GANC: variants seen among roughly 807,000 people sequenced by gnomAD.
GANC encodes the protein neutral alpha-glucosidase C.
Under a neutral mutation model 124.2 loss-of-function variants are expected in GANC, and 117 were observed. That is an observed-to-expected ratio of 0.94 (90% confidence interval 0.81 to 1.10). GANC has a LOEUF of 1.10. Ranked by LOEUF, GANC falls within the 50% of genes least tolerant of loss-of-function variation. GANC has a pLI of 0.00. For missense variants in GANC, 1,140 were observed against 1,095.0 expected (o/e 1.04, Z -0.58); for synonymous variants, 377 against 376.8 (o/e 1.00, Z -0.01).
chr15:42,352,334 A>G lies in GANC; in HGVS notation c.*195A>G. ...CAGATTTTACATGTTAAGATGTACT[A>G]ACAATATTCCTTGTATCAAACATCT... On this transcript the variant is annotated 3_prime_UTR_variant, in exon 24 of 24. Coordinates refer to ENST00000318010, the MANE Select transcript of GANC (RefSeq NM_198141.3). The G allele has an allele frequency of 2.2e-6, 3 of 1,394,462 alleles. No homozygotes were observed. The highest frequency in any genetic ancestry group is 1.6e-5 in the South Asian group (1 of 64,076). The allele number at this position is 1,394,462 out of a possible 1,614,324, so 86.4% of individuals were successfully genotyped here. A position where few individuals can be genotyped will look rare whatever the true frequency, so the allele number is the denominator to read the frequency against.
At chr15:42,329,257 TATAGAC>T (rs1262875213) in intron 13 of GANC, 43 bp from the exon 14 acceptor site, 2 of 1,570,050 alleles carry the variant, frequency 1.3e-6, no homozygotes, top group Non-Finnish European at 1.7e-6. Context: ...ACAGCTATTA[TATAGAC>T]ATCATCAATG....
chr15:42,330,769 C>CTTT, intron 15 of GANC, 97 bp downstream of exon 15: 3 of 365,338 alleles, frequency 8.2e-6, no homozygotes, highest in South Asian at 4.6e-5. Context: ...CCTTCCTTTT[C>CTTT]CTTTTTTTTT....
At chr15:42,314,203 C>A in intron 10 of GANC, 1 of 754,588 alleles carries the variant, frequency 1.3e-6, no homozygotes, top group South Asian at 1.4e-5. Context: ...AAATATTCCC[C>A]ACAAGGAGTT....
chr15:42,322,160 T>C, intron 11 of GANC, 140 bp downstream of exon 11: 1 of 700,840 alleles, frequency 1.4e-6, no homozygotes, highest in Non-Finnish European at 2.4e-6. Context: ...TAATTGTCAC[T>C]GTGATAAGAG....
At chr15:42,326,532 C>G in intron 12 of GANC, 108 bp downstream of exon 12, 5 of 1,535,408 alleles carry the variant, frequency 3.3e-6, no homozygotes, top group Non-Finnish European at 3.5e-6. Context: ...GCTCCTCTAG[C>G]TACATTTTAA....
chr15:42,310,443 A>G lies in GANC; in HGVS notation c.883A>G (p.Asn295Asp). ...LNASETLVEI[N>D]TEPAVEYTLT... ...TGCCTCGGAAACACTGGTGGAGATC[A>G]ATACAGAGCCTGCAGTAGAGGTGAG... Residue 295 changes from asparagine (N) to aspartate (D), a missense_variant, in exon 9 of 24, where the codon AAT becomes GAT. Transcript: ENST00000318010. 1 of 1,610,406 alleles carries G rather than the reference A, an allele frequency of 6.2e-7. No homozygotes were observed. The highest frequency in any genetic ancestry group is 8.5e-7 in the Non-Finnish European group (1 of 1,178,394).
At chr15:42,302,004 A>G (rs2051950082) in intron 6 of GANC, among the ~76,000 whole-genome samples, 1 of 152,174 alleles carries the variant, frequency 6.6e-6, no homozygotes, top group Non-Finnish European at 1.5e-5. Context: ...GAGCTCTGCT[A>G]AGGGACAGAC....
intron 4 of GANC, among the ~76,000 whole-genome samples, chr15:42,288,489 T>G (rs1207077902): frequency 1.3e-5 from 2 of 152,218 alleles, no homozygotes; most frequent in Non-Finnish European, 2.9e-5. Context: ...AATATCAGAT[T>G]ATGCCAGATG....
intron 8 of GANC, among the ~76,000 whole-genome samples, chr15:42,309,374 C>T (rs954649455): frequency 1.3e-5 from 2 of 151,360 alleles, no homozygotes; most frequent in Admixed American, 6.6e-5. Flanking sequence ...GGCTGGAGTG[C>T]GGTGGCGTGA....
Position 42,283,686 on chromosome 15 carries a change from CTG to C in GANC, c.202-4002_202-4001del, listed in dbSNP as rs756414499. ...GATGCAGGAATATCTCTGAGCACCT[CTG>C]TGAAGTTACCCCTTGCCTCTTCATC... On this transcript the variant is annotated intron_variant, in intron 3 of 23. Transcript: ENST00000318010. The C allele has an allele frequency of 7.1e-6, 5 of 702,488 alleles. No individual in the cohort carries two copies. In the South Asian group the frequency reaches 7.4e-5, roughly 10 times the overall value. The allele number at this position is 702,488 out of a possible 1,614,324, so 43.5% of individuals were successfully genotyped here.
chr15:42,278,006 T>A (rs1290955017), intron 2 of GANC: 2 of 378,696 alleles, frequency 5.3e-6, no homozygotes, highest in African/African-American at 4.1e-5. Flanking sequence ...TTCTAACATA[T>A]TCCCTCTCTG....
chr15:42,338,241 A>G (rs1334745975), intron 15 of GANC, 148 bp from the exon 16 acceptor site: 1 of 492,350 alleles, frequency 2.0e-6, no homozygotes, highest in Non-Finnish European at 3.6e-6. Context: ...GATACTTTTC[A>G]TTGTAGAAAA....
chr15:42,333,341 AT>A (rs996585329), intron 15 of GANC, among the ~76,000 whole-genome samples: 509 of 150,534 alleles, frequency 3.4e-3, no homozygotes, highest in African/African-American at 0.012. Flanking sequence ...AAAAAAAAGA[AT>A]TTTTTTTTTC....
intron 6 of GANC, among the ~76,000 whole-genome samples, chr15:42,302,971 C>T (rs1021840109): frequency 1.4e-4 from 22 of 152,102 alleles, no homozygotes; most frequent in African/African-American, 3.6e-4. Context: ...CATGGCAAGA[C>T]GGACCAACAT....
At chr15:42,281,185 C>T in intron 3 of GANC, 1 of 680,632 alleles carries the variant, frequency 1.5e-6, no homozygotes, top group Non-Finnish European at 2.7e-6. Flanking sequence ...TGATCTCAGG[C>T]AAATGTATGC....
chr15:42,297,095 A>G (rs1206208146), intron 5 of GANC, among the ~76,000 whole-genome samples: 1 of 152,184 alleles, frequency 6.6e-6, no homozygotes, highest in Non-Finnish European at 1.5e-5. Context: ...AAGACTGTAC[A>G]TTATAGTGCT....
intron 15 of GANC, among the ~76,000 whole-genome samples, chr15:42,333,042 T>TC (rs2052259023): frequency 8.7e-6 from 1 of 115,272 alleles, no homozygotes; most frequent in Non-Finnish European, 2.0e-5. Context: ...ATATATATTT[T>TC]TTTTGGTCAC....
chr15:42,343,626 G>A (rs2052343366), intron 19 of GANC, among the ~76,000 whole-genome samples: 1 of 152,138 alleles, frequency 6.6e-6, no homozygotes, highest in Non-Finnish European at 1.5e-5. Context: ...ACATTCCTCT[G>A]CTCTTTTATT....
At chr15:42,343,226 A>T in intron 19 of GANC, 72 bp downstream of exon 19, 1 of 1,334,090 alleles carries the variant, frequency 7.5e-7, no homozygotes, top group Non-Finnish European at 1.1e-6. Flanking sequence ...TAGGAAAGAG[A>T]TTTCTTCATC....
Sources: allele counts gnomAD v4.1 joint callset (sites outside exome capture counted in the v4.1 genomes callset), GRCh38; gene constraint gnomAD v4.1.1; transcripts MANE v1.5; gene names NCBI Gene and HGNC (gene_info 2026-07-23, HGNC 2026-07-21).